The following SLC7A8 variants were observed in gnomAD, a reference collection of about 807,000 sequenced individuals.
The protein encoded by SLC7A8 is large neutral amino acids transporter small subunit 2.
In SLC7A8, 30 loss-of-function variants were observed where a neutral mutation model predicts 51.2. The ratio of observed to expected loss-of-function variants is 0.59; its 90% CI spans 0.44 to 0.80. The LOEUF (loss-of-function observed/expected upper bound fraction) is 0.80, where lower values mean the gene tolerates loss of function less well. Ranked by LOEUF, SLC7A8 falls within the 30% of genes least tolerant of loss-of-function variation. The pLI, the probability that SLC7A8 is intolerant of heterozygous loss-of-function variation, is 0.00. For synonymous variants in SLC7A8, 257 were observed against 275.8 expected (o/e 0.93, Z 0.67); for missense variants, 612 against 674.4 (o/e 0.91, Z 1.03).
intron 4 of SLC7A8, 150 bp downstream of exon 4, chr14:23,142,929 T>C (rs2048758302): frequency 1.9e-6 from 2 of 1,072,048 alleles, no homozygotes; most frequent in Non-Finnish European, 1.3e-6. Context: ...TCCTTCCCTT[T>C]TGTCAAGCAA....
At chr14:23,137,899 G>A (rs2048705452) in intron 7 of SLC7A8, 22 bp downstream of exon 7, 1 of 1,610,318 alleles carries the variant, frequency 6.2e-7, no homozygotes, top group Non-Finnish European at 8.5e-7. Flanking sequence ...CCTGGCCGGG[G>A]AAGGGCCCAG....
rs750622626 is a variant in SLC7A8 at position 23,128,022 on chromosome 14, T to C, written c.1438A>G (p.Ile480Val). Residue 480 changes from isoleucine to valine, a missense_variant, in exon 10 of 11, where the codon ATT (isoleucine) becomes GTT (valine). Physicochemically the swap from Ile to Val is conservative, Grantham distance 29 (BLOSUM62 3). Transcript: ENST00000316902. This position sits in a 1 kb window ranked among gnomAD's most constrained non-coding sequence, Gnocchi z 4.3. ...QHKPKCFSDF[I>V]ELLTLVSQKM... ...GCCAGAGCCTCCAACAACTCACCAA[T>C]GAAGTCACTGAAACACTTGGGCTTG... 1 of 1,613,434 alleles carries C rather than the reference T, an allele frequency of 6.2e-7. No homozygotes were observed. Among genetic ancestry groups the C allele is most frequent in the Non-Finnish European group, 8.5e-7 (1 of 1,179,560 alleles).
chr14:23,141,281 T>C (rs2048742889), intron 4 of SLC7A8, among the ~76,000 whole-genome samples: 1 of 151,632 alleles, frequency 6.6e-6, no homozygotes, highest in Non-Finnish European at 1.5e-5. Context: ...CAAGACCCTG[T>C]CTCCAAAAAA....
chr14:23,141,324 C>T (rs572884728), intron 4 of SLC7A8, among the ~76,000 whole-genome samples: 2 of 152,332 alleles, frequency 1.3e-5, no homozygotes, highest in East Asian at 3.9e-4. Flanking sequence ...ACAAAAAAAG[C>T]AAGCATCCAG....
At chr14:23,180,450 G>A (rs904604519) in intron 1 of SLC7A8, among the ~76,000 whole-genome samples, 2 of 152,174 alleles carry the variant, frequency 1.3e-5, no homozygotes, top group Admixed American at 1.3e-4. Flanking sequence ...TCTTAAAGGG[G>A]AAATTTGTTT....
chr14:23,159,346 A>G (rs2048909715), intron 3 of SLC7A8, among the ~76,000 whole-genome samples: 1 of 152,260 alleles, frequency 6.6e-6, no homozygotes. Context: ...TTTTCAATAC[A>G]TTTAGATTTT....
At chr14:23,133,163 C>A (rs1297267451) in intron 7 of SLC7A8, among the ~76,000 whole-genome samples, 1 of 152,132 alleles carries the variant, frequency 6.6e-6, no homozygotes, top group African/African-American at 2.4e-5. Context: ...CCTGTCTGGG[C>A]ACGGTGGGTA....
In SLC7A8 at chr14:23,129,670, C is replaced by G. The variant is rs759824019; in HGVS notation, c.1243G>C (p.Asp415His). 5 of 1,614,028 alleles carry G rather than the reference C, an allele frequency of 3.1e-6. No individual in the cohort carries two copies. In the Admixed American group the frequency reaches 8.3e-5, roughly 27 times the overall value. ...CTCACCTTGATGGGGCGGGGGATAT[C>G]AGGCTTCTTCCAGCGAAGGACTATC... is the stretch of plus-strand genomic sequence containing the variant. ...GQIVLRWKKP[D>H]IPRPIKINLL... Residue 415 changes from aspartate to histidine, a missense_variant, in exon 9 of 11, where the codon GAT becomes CAT. Physicochemically the swap from Asp to His is moderately conservative, Grantham distance 81. Coordinates refer to ENST00000316902, the MANE Select transcript of SLC7A8 (RefSeq NM_012244.4).
chr14:23,132,658 G>A (rs1188723350), intron 7 of SLC7A8, among the ~76,000 whole-genome samples: 2 of 146,868 alleles, frequency 1.4e-5, no homozygotes, highest in South Asian at 2.1e-4. Context: ...TTTTTGAGAC[G>A]GAGTTTCACT....
At chr14:23,155,620 C>T (rs189011946) in intron 3 of SLC7A8, among the ~76,000 whole-genome samples, 242 of 152,172 alleles carry the variant, frequency 1.6e-3, no homozygotes, top group Admixed American at 2.9e-3. Flanking sequence ...GCCTGCCATG[C>T]CACCCTGGGG....
chr14:23,177,088 A>AAC (rs569841597), intron 1 of SLC7A8, among the ~76,000 whole-genome samples: 1 of 152,376 alleles, frequency 6.6e-6, no homozygotes, highest in African/African-American at 2.4e-5. Context: ...ATCCCCCAAA[A>AAC]ACATAAATTG....
chr14:23,176,827 T>A (rs112969220), intron 1 of SLC7A8, among the ~76,000 whole-genome samples: 3,913 of 151,104 alleles, frequency 0.026, 174 homozygotes, highest in African/African-American at 0.091. Context: ...CTGTAATCCC[T>A]GCTACTCAGG....
At chr14:23,182,663 C>A in intron 1 of SLC7A8, 101 bp downstream of exon 1, 7 of 1,353,684 alleles carry the variant, frequency 5.2e-6, no homozygotes, top group Non-Finnish European at 6.9e-6. Flanking sequence ...CAATCCTTTT[C>A]TAAGGAATAG....
rs767357384 is a variant in SLC7A8, at chr14:23,140,525, T to A, written c.734A>T (p.Tyr245Phe). 1.2e-6 allele frequency: 2 copies of A among 1,613,874 alleles called. No homozygotes were observed. Among genetic ancestry groups the A allele is most frequent in the Non-Finnish European group, 1.7e-6 (2 of 1,179,912 alleles). The change falls in exon 5 of 11, where the codon TAT becomes TTT. Residue 245 changes from tyrosine (Y) to phenylalanine (F), a missense_variant. Transcript: ENST00000316902. ...GTAATTCAGAAAGTTCCAGCCTCCA[T>A]AGGCAAAGGAGCCCTGAAGGAAAGC... ...ALAFLQGSFA[Y>F]GGWNFLNYVT...
At chr14:23,136,110 G>C (rs2048687881) in intron 7 of SLC7A8, among the ~76,000 whole-genome samples, 1 of 152,042 alleles carries the variant, frequency 6.6e-6, no homozygotes. Context: ...CATTTACTTT[G>C]TAATTTGTGT....
chr14:23,130,043 G>A (rs6572981), intron 8 of SLC7A8: 111,688 of 471,294 alleles, frequency 0.24, 16,206 homozygotes, highest in East Asian at 0.61. Context: ...ACGGGCACTA[G>A]CCAATTAGAA....
At chr14:23,144,611 C>T (rs2048775040) in intron 3 of SLC7A8, among the ~76,000 whole-genome samples, 1 of 152,108 alleles carries the variant, frequency 6.6e-6, no homozygotes, top group African/African-American at 2.4e-5. Context: ...CTTCTACTTT[C>T]CAAGTATTTC....
chr14:23,153,100 G>C (rs538159781), intron 3 of SLC7A8, among the ~76,000 whole-genome samples: 1 of 152,086 alleles, frequency 6.6e-6, no homozygotes, highest in Non-Finnish European at 1.5e-5. Context: ...TGACCTTAGA[G>C]ACCCAGAACC....
chr14:23,174,125 G>C (rs750051806), intron 1 of SLC7A8, among the ~76,000 whole-genome samples: 1 of 152,174 alleles, frequency 6.6e-6, no homozygotes, highest in African/African-American at 2.4e-5. Context: ...GCAAATCATG[G>C]AAAAATTCAC....
Sources: allele counts gnomAD v4.1 joint callset (sites outside exome capture counted in the v4.1 genomes callset), GRCh38; gene constraint gnomAD v4.1.1; non-coding constraint Gnocchi (gnomAD v3.1); transcripts MANE v1.5; gene names NCBI Gene and HGNC (gene_info 2026-07-23, HGNC 2026-07-21).